Variants in RBFOX1 observed in about 807,000 individuals in gnomAD.
RBFOX1 encodes the protein RNA binding fox-1 homolog 1.
A neutral mutation model predicts 57.7 loss-of-function variants in RBFOX1; 8 were observed. The ratio of observed to expected loss-of-function variants is 0.14; its 90% CI spans 0.08 to 0.25. The LOEUF is 0.25. Ranked by LOEUF, RBFOX1 falls within the 10% of genes least tolerant of loss-of-function variation. The pLI is 1.00. For missense variants in RBFOX1, 611 were observed against 548.5 expected, an observed-to-expected ratio of 1.11 and a Z score of -1.14; for synonymous variants, 326 against 222.4, an observed-to-expected ratio of 1.47 and a Z score of -4.15.
At position 6,104,537 on chromosome 16, in the gene RBFOX1, G is replaced by A. The variant is rs74004738; in HGVS notation, c.-127+84545G>A. ...TAGAACACTGTCCTCTCCTTAAAGA[G>A]AGCTCGCCTCCAAGCCCATCTTGCA... On this transcript the variant is annotated intron_variant, in intron 1 of 15. Transcript: ENST00000550418. Among the ~76,000 whole-genome samples the A allele has an allele frequency of 3.4e-3, 524 of 152,174 alleles. 2 individuals are homozygous for A. The highest frequency in any genetic ancestry group is 0.024 in the Middle Eastern group (7 of 294).
intron 3 of RBFOX1, among the ~76,000 whole-genome samples, chr16:6,779,077 T>A (rs1193618487): frequency 6.6e-6 from 1 of 152,054 alleles, no homozygotes; most frequent in African/African-American, 2.4e-5. Flanking sequence ...ACTATAGTTG[T>A]CCTATTGTGC....
chr16:7,014,521 A>G (rs2093809754), intron 3 of RBFOX1, among the ~76,000 whole-genome samples: 1 of 152,008 alleles, frequency 6.6e-6, no homozygotes, highest in South Asian at 2.1e-4. Context: ...GATTACAGTG[A>G]TAAGCCTCCC....
intron 3 of RBFOX1, among the ~76,000 whole-genome samples, chr16:6,848,224 C>A (rs186576239): frequency 6.6e-6 from 1 of 152,092 alleles, no homozygotes; most frequent in Admixed American, 6.5e-5. Context: ...ATGGTGAGCT[C>A]GGGCCCATGA....
intron 3 of RBFOX1, among the ~76,000 whole-genome samples, chr16:6,685,163 C>G (rs1197266599): frequency 6.6e-6 from 1 of 151,532 alleles, no homozygotes; most frequent in Admixed American, 6.6e-5. Context: ...CATTCCTTTT[C>G]TTTATTCCTG....
chr16:7,319,981 A>C (rs1164761352), intron 4 of RBFOX1, among the ~76,000 whole-genome samples: 1 of 152,218 alleles, frequency 6.6e-6, no homozygotes, highest in Non-Finnish European at 1.5e-5. Flanking sequence ...TTAAAAAATT[A>C]AGCAGAACAT....
chr16:5,670,978 A>G (rs1223726676), intron 3 of RBFOX1, among the ~76,000 whole-genome samples: 1 of 152,200 alleles, frequency 6.6e-6, no homozygotes, highest in Non-Finnish European at 1.5e-5. Context: ...GGTGGCAGGG[A>G]CAGAATTCAG....
chr16:5,670,851 T>C (rs1056508363), intron 3 of RBFOX1, among the ~76,000 whole-genome samples: 23 of 152,234 alleles, frequency 1.5e-4, no homozygotes, highest in African/African-American at 5.3e-4. Flanking sequence ...TTCAATACAT[T>C]ATTTTTTTCA....
intron 4 of RBFOX1, among the ~76,000 whole-genome samples, chr16:7,107,000 C>CACACACACACACAG: frequency 6.6e-6 from 1 of 151,962 alleles, no homozygotes; most frequent in East Asian, 1.9e-4. Context: ...CACACACACA[C>CACACACACACACAG]ACACACACTA....
chr16:7,381,137 C>T (rs918136884), intron 4 of RBFOX1, among the ~76,000 whole-genome samples: 1 of 152,162 alleles, frequency 6.6e-6, no homozygotes, highest in African/African-American at 2.4e-5. Context: ...TAAACAGACA[C>T]AGATAGTTCT....
chr16:6,995,290 T>TTGTGTGTGTGTG lies in RBFOX1; in HGVS notation c.-15-56737_-15-56726dup, dbSNP rs57039390. ...AAATGACTATGATCTGAAAGTAGCC[T>TTGTGTGTGTGTG]TGTGTGTGTGTGTGTGTGTGTGTGT... On this transcript the variant is annotated intron_variant, in intron 3 of 15. Coordinates refer to ENST00000550418, the MANE Select transcript of RBFOX1 (RefSeq NM_018723.4). 3.5e-3 allele frequency among the ~76,000 whole-genome samples: 489 copies of TTGTGTGTGTGTG among 138,398 alleles called. 9 individuals are homozygous for TTGTGTGTGTGTG. Among genetic ancestry groups the TTGTGTGTGTGTG allele is most frequent in the East Asian group, 0.016 (72 of 4,410 alleles). 90.8% of individuals were successfully genotyped at this position (138,398 alleles called of 152,430 possible).
chr16:7,549,870 G>C lies in RBFOX1; in HGVS notation c.271-29907G>C, dbSNP rs914552624. Reference sequence around the variant, plus strand: ...CGGACACACGCAGGAGCAGTACTTTGCCTCCTTCAGTCCAATCACGTTGAC... The same window carrying C: ...CGGACACACGCAGGAGCAGTACTTTCCCTCCTTCAGTCCAATCACGTTGAC... On this transcript the variant is annotated intron_variant, in intron 5 of 15. Coordinates refer to ENST00000550418, the MANE Select transcript of RBFOX1 (RefSeq NM_018723.4). Among the ~76,000 whole-genome samples, 4 of 152,088 alleles carry C rather than the reference G, an allele frequency of 2.6e-5. No homozygotes were observed. In the East Asian group the frequency reaches 7.7e-4, roughly 29 times the overall value.
chr16:7,490,899 C>G (rs781307896), intron 4 of RBFOX1, among the ~76,000 whole-genome samples: 1 of 152,144 alleles, frequency 6.6e-6, no homozygotes, highest in East Asian at 1.9e-4. Context: ...TCTTTATCAG[C>G]CTAAGGATAC....
At chr16:5,242,383 C>T (rs1297482751) in intron 1 of RBFOX1, among the ~76,000 whole-genome samples, 2 of 152,180 alleles carry the variant, frequency 1.3e-5, no homozygotes, top group Non-Finnish European at 1.5e-5. Context: ...CTCAGTCCGG[C>T]GGCCCCTCGA....
intron 3 of RBFOX1, among the ~76,000 whole-genome samples, chr16:5,777,492 A>G (rs1179025137): frequency 4.6e-5 from 7 of 152,182 alleles, no homozygotes; most frequent in Non-Finnish European, 2.9e-5. Flanking sequence ...TCGTTGTGAG[A>G]GTATTTCTTG....
chr16:5,419,871 C>T (rs1240795603), intron 1 of RBFOX1, among the ~76,000 whole-genome samples: 2 of 151,958 alleles, frequency 1.3e-5, no homozygotes, highest in African/African-American at 4.8e-5. Context: ...CAGAGAGGGA[C>T]CCTGGGTGAT....
At chr16:7,057,947 G>A (rs2052920757) in intron 4 of RBFOX1, among the ~76,000 whole-genome samples, 1 of 147,962 alleles carries the variant, frequency 6.8e-6, no homozygotes, top group Non-Finnish European at 1.5e-5. Flanking sequence ...GGTGGAGGTT[G>A]CAGTGAGCAG....
intron 4 of RBFOX1, among the ~76,000 whole-genome samples, chr16:7,214,812 A>G (rs951618633): frequency 3.3e-5 from 5 of 152,012 alleles, no homozygotes; most frequent in Non-Finnish European, 7.4e-5. Context: ...CATGTTCCTC[A>G]CATTTAATGT....
chr16:7,256,451 CA>C (rs1051953603), intron 4 of RBFOX1, among the ~76,000 whole-genome samples: 25 of 152,168 alleles, frequency 1.6e-4, no homozygotes, highest in Non-Finnish European at 2.9e-5. Flanking sequence ...TCTTTTATGG[CA>C]TTATTGCTGA....
chr16:7,398,251 T>C (rs979418525), intron 4 of RBFOX1, among the ~76,000 whole-genome samples: 2 of 152,204 alleles, frequency 1.3e-5, no homozygotes, highest in Admixed American at 6.5e-5. Context: ...GGCAGGAGCA[T>C]AGGGTTGAAT....
Sources: allele counts gnomAD v4.1 joint callset (sites outside exome capture counted in the v4.1 genomes callset), GRCh38; gene constraint gnomAD v4.1.1; transcripts MANE v1.5; gene names NCBI Gene and HGNC (gene_info 2026-07-23, HGNC 2026-07-21).